Variants in MAP3K8 observed in about 807,000 individuals in gnomAD.
MAP3K8 encodes the protein Ewing sarcoma transformant.
MAP3K8 carries 22 observed loss-of-function variants against 45.8 expected under a neutral mutation model. The ratio of observed to expected loss-of-function variants is 0.48; its 90% CI spans 0.34 to 0.69. The LOEUF (loss-of-function observed/expected upper bound fraction) is 0.69. MAP3K8 is among the 30% of genes least tolerant of loss of function. The pLI, the probability that MAP3K8 is intolerant of heterozygous loss-of-function variation, is 0.01. For missense variants in MAP3K8, 419 were observed against 585.0 expected (o/e 0.72, Z 2.93); for synonymous variants, 223 against 214.3 (o/e 1.04, Z -0.36).
At chr10:30,442,279 T>C (rs1046572917) in intron 3 of MAP3K8, among the ~76,000 whole-genome samples, 1 of 152,144 alleles carries the variant, frequency 6.6e-6, no homozygotes, top group African/African-American at 2.4e-5. Flanking sequence ...ATGAGTGTGG[T>C]AGAAGGAAGG....
At chr10:30,443,136 C>T (rs1197233653) in intron 3 of MAP3K8, among the ~76,000 whole-genome samples, 2 of 152,120 alleles carry the variant, frequency 1.3e-5, no homozygotes, top group African/African-American at 2.4e-5. Flanking sequence ...GTGGTGAAGA[C>T]GATGGGTCCT....
In MAP3K8 at chr10:30,448,906, A is replaced by G. The variant is rs1438896670; in HGVS notation, c.504+957A>G. Among the ~76,000 whole-genome samples the G allele has an allele frequency of 2.0e-5, 3 of 152,222 alleles. No individual in the cohort carries two copies. In the East Asian group the frequency reaches 5.8e-4, roughly 29 times the overall value. On this transcript the variant is annotated intron_variant, in intron 4 of 8. Transcript: ENST00000263056. ...CAAAAACTAAAAGCTATGTGGTAGC[A>G]TGTTCATATCTGCACTATTTGTAAG...
chr10:30,458,277 G>GGA, intron 7 of MAP3K8, 41 bp downstream of exon 7: 1 of 1,349,976 alleles, frequency 7.4e-7, no homozygotes, highest in Non-Finnish European at 9.9e-7. Flanking sequence ...GCGGGGGGGG[G>GGA]CGTTGAGTTA....
chr10:30,454,121 A>C (rs535896570), intron 6 of MAP3K8, among the ~76,000 whole-genome samples: 1 of 152,136 alleles, frequency 6.6e-6, no homozygotes, highest in African/African-American at 2.4e-5. Context: ...TACCGGGGGA[A>C]GCTGCACTGC....
intron 4 of MAP3K8, among the ~76,000 whole-genome samples, chr10:30,449,296 G>T (rs2132811113): frequency 6.6e-6 from 1 of 152,290 alleles, no homozygotes; most frequent in Middle Eastern, 3.4e-3. Flanking sequence ...CCAGGCTGGA[G>T]TGTAGTGGCG....
intron 5 of MAP3K8, 119 bp from the exon 6 acceptor site, chr10:30,451,519 C>T (rs1011707949): frequency 1.9e-6 from 1 of 528,272 alleles, no homozygotes; most frequent in Non-Finnish European, 3.4e-6. Flanking sequence ...AACCATCTCA[C>T]TAGAGGAAGC....
chr10:30,439,152 T>C lies in MAP3K8; in HGVS notation c.214T>C (p.Trp72Arg), dbSNP rs753513338. The change falls in exon 3 of 9, where the codon TGG becomes CGG. Residue 72 changes from tryptophan (W) to arginine (R), a missense_variant. Trp to Arg is a moderately radical substitution (Grantham distance 101). Coordinates refer to ENST00000263056, the MANE Select transcript of MAP3K8 (RefSeq NM_005204.4). Reference protein sequence around the residue: ...SLLLSGQEVPWLSSVRYGTVE... With the variant: ...SLLLSGQEVPRLSSVRYGTVE... ...GCTGCTTAGTGGCCAAGAGGTACCA[T>C]GGTTGTCATCAGTCAGATATGGAAC... is the stretch of plus-strand genomic sequence containing the variant. The C allele has an allele frequency of 4.4e-5, 71 of 1,614,116 alleles. 1 individual carries two copies. The East Asian group carries it at 1.6e-3, about 36-fold the overall frequency.
intron 3 of MAP3K8, among the ~76,000 whole-genome samples, chr10:30,442,731 G>T (rs8176984): frequency 0.17 from 26,176 of 152,036 alleles, 3,214 homozygotes; most frequent in African/African-American, 0.34. Flanking sequence ...TCAACTCTTT[G>T]GTGGTTTTAT....
intron 1 of MAP3K8, among the ~76,000 whole-genome samples, chr10:30,434,986 G>C (rs1165536386): frequency 6.6e-6 from 1 of 152,158 alleles, no homozygotes; most frequent in Non-Finnish European, 1.5e-5. Context: ...TTTGGTCTAA[G>C]AAAGAATACT....
intron 3 of MAP3K8, 141 bp downstream of exon 3, chr10:30,439,415 C>T (rs1035887638): frequency 1.3e-4 from 181 of 1,381,918 alleles, no homozygotes; most frequent in Non-Finnish European, 1.6e-4. Flanking sequence ...GTAAGAAGTA[C>T]TTCCATGTTA....
chr10:30,455,802 C>G (rs1006170784), intron 6 of MAP3K8, among the ~76,000 whole-genome samples: 23 of 152,224 alleles, frequency 1.5e-4, no homozygotes, highest in Admixed American at 1.5e-3. Context: ...GCAGAACTCT[C>G]AGAGAGCCCT....
intron 3 of MAP3K8, among the ~76,000 whole-genome samples, chr10:30,445,024 C>T (rs1300399821): frequency 6.6e-6 from 1 of 152,196 alleles, no homozygotes; most frequent in African/African-American, 2.4e-5. Context: ...GTACTGAGCA[C>T]ATTGCTGTAC....
intron 8 of MAP3K8, among the ~76,000 whole-genome samples, chr10:30,459,925 C>T (rs1481409539): frequency 6.6e-6 from 1 of 152,008 alleles, no homozygotes; most frequent in African/African-American, 2.4e-5. Flanking sequence ...TCACTGCAAC[C>T]TCTGCCTCCC....
chr10:30,434,580 C>T, intron 1 of MAP3K8: 1 of 985,978 alleles, frequency 1.0e-6, no homozygotes, highest in Non-Finnish European at 1.2e-6. Context: ...GCGCAAGGGT[C>T]TCACGGGGTG....
Position 30,450,430 on chromosome 10 carries a change from G to A in MAP3K8, c.677G>A (p.Arg226Lys). The A allele has an allele frequency of 6.2e-7, 1 of 1,614,168 alleles. No individual in the cohort carries two copies. Residue 226 changes from arginine to lysine, a missense_variant, in exon 5 of 9, where the codon AGA becomes AAA. This residue lies in a region of MAP3K8 where 209 missense variants were observed against 367.3 expected (regional missense o/e 0.57). Transcript: ENST00000263056. ...LEKLESCGPM[R>K]EFEIIWVTKH... ...AAACTGGAGAGCTGTGGACCAATGA[G>A]AGAATTTGAAATTATTTGGGTGACA...
chr10:30,436,907 C>T (rs1318805927), intron 1 of MAP3K8, among the ~76,000 whole-genome samples: 1 of 150,508 alleles, frequency 6.6e-6, no homozygotes, highest in Admixed American at 6.6e-5. Context: ...TTTTTTTTAA[C>T]CTCTGTGTTT....
intron 3 of MAP3K8, 157 bp downstream of exon 3, chr10:30,439,431 GC>G (rs1836023826): frequency 2.3e-6 from 3 of 1,302,340 alleles, no homozygotes; most frequent in Non-Finnish European, 3.1e-6. Flanking sequence ...TGTTAAAGAT[GC>G]AAAAAAAAAA....
At chr10:30,449,243 T>G (rs1205843657) in intron 4 of MAP3K8, among the ~76,000 whole-genome samples, 1 of 152,124 alleles carries the variant, frequency 6.6e-6, no homozygotes, top group South Asian at 2.1e-4. Context: ...GTGTGTTTTT[T>G]CTGGTTTGTT....
intron 2 of MAP3K8, among the ~76,000 whole-genome samples, chr10:30,438,156 A>G (rs2132779430): frequency 6.6e-6 from 1 of 152,298 alleles, no homozygotes; most frequent in Admixed American, 6.5e-5. Context: ...ATTTATTTAG[A>G]TATTAATCTT....
Sources: gnomAD v4.1 joint callset for allele counts (sites outside exome capture counted in the v4.1 genomes callset) on GRCh38, gnomAD v4.1.1 for gene constraint, gnomAD v4.1.1 regional missense constraint, MANE v1.5 for transcripts, NCBI Gene and HGNC (gene_info 2026-07-23, HGNC 2026-07-21) for gene names.